The following LINGO2 variants were observed in gnomAD, a reference collection of about 807,000 sequenced individuals.
LINGO2 encodes the protein leucine-rich repeat and immunoglobulin-like domain-containing nogo receptor-interacting protein 2.
Under a neutral mutation model 30.6 loss-of-function variants are expected in LINGO2, and 14 were observed. The observed-to-expected ratio is 0.46, with a 90% confidence interval of 0.30 to 0.72. The LOEUF is 0.72. Among genes scored for constraint, LINGO2 ranks in the 30% least tolerant of loss-of-function variants. The pLI, the probability that LINGO2 is intolerant of heterozygous loss-of-function variation, is 0.07. For missense variants in LINGO2, 729 were observed against 751.7 expected (o/e 0.97, Z 0.35); for synonymous variants, 317 against 288.5 (o/e 1.10, Z -1.00).
the LINGO2 span, among the ~76,000 whole-genome samples, chr9:28,987,852 T>C: frequency 1.3e-5 from 2 of 152,212 alleles, no homozygotes; most frequent in East Asian, 1.9e-4. Context: ...CTCAAATTCA[T>C]CATGCTATTG....
At chr9:28,435,166 T>A (rs1823873444) in intron 2 of LINGO2, among the ~76,000 whole-genome samples, 1 of 152,118 alleles carries the variant, frequency 6.6e-6, no homozygotes, top group South Asian at 2.1e-4. Context: ...AATAATTAAA[T>A]AATATAGACC....
At chr9:29,177,355 A>G in the LINGO2 span, among the ~76,000 whole-genome samples, 1 of 152,236 alleles carries the variant, frequency 6.6e-6, no homozygotes, top group Non-Finnish European at 1.5e-5. Context: ...TGAAGTTTAG[A>G]GAAGTTAATG....
Position 28,090,520 on chromosome 9 carries a change from C to T in LINGO2, c.-86-78115G>A, listed in dbSNP as rs534690415. Among the ~76,000 whole-genome samples, 3 of 152,290 alleles carry T rather than the reference C, an allele frequency of 2.0e-5. No homozygotes were observed. In the South Asian group the frequency reaches 6.2e-4, roughly 32 times the overall value. On this transcript the variant is annotated intron_variant, in intron 4 of 5. Transcript: ENST00000379992. Reference sequence around the variant, plus strand: ...CCTTTGACAAAATTCAACAGCCCTTCATGCTAAAAACGCTCAATAAATTAC... The same window carrying T: ...CCTTTGACAAAATTCAACAGCCCTTTATGCTAAAAACGCTCAATAAATTAC...
intron 5 of LINGO2, among the ~76,000 whole-genome samples, chr9:27,963,722 T>G (rs1379694212): frequency 1.4e-5 from 2 of 143,424 alleles, no homozygotes; most frequent in African/African-American, 2.6e-5. Flanking sequence ...GGGTGAAGAG[T>G]GGGTTGAGGT....
the LINGO2 span, among the ~76,000 whole-genome samples, chr9:29,106,991 T>C: frequency 6.6e-6 from 1 of 152,202 alleles, no homozygotes; most frequent in East Asian, 1.9e-4. Flanking sequence ...AGTTATGAAC[T>C]AGCCAATGCT....
At chr9:29,040,597 A>G in the LINGO2 span, among the ~76,000 whole-genome samples, 1 of 151,920 alleles carries the variant, frequency 6.6e-6, no homozygotes, top group Non-Finnish European at 1.5e-5. Flanking sequence ...ATTATCATAT[A>G]ATTTCCAAAA....
chr9:28,075,605 TA>T (rs1160594904), intron 4 of LINGO2, among the ~76,000 whole-genome samples: 1 of 152,000 alleles, frequency 6.6e-6, no homozygotes, highest in African/African-American at 2.4e-5. Flanking sequence ...GTTGTATGTA[TA>T]AGACATTATC....
chr9:28,192,018 A>G (rs1819839910), intron 4 of LINGO2, among the ~76,000 whole-genome samples: 1 of 152,074 alleles, frequency 6.6e-6, no homozygotes, highest in Non-Finnish European at 1.5e-5. Context: ...TGAAAGCCCG[A>G]CTTGTATTTC....
At chr9:28,571,499 A>C (rs572501306) in intron 1 of LINGO2, among the ~76,000 whole-genome samples, 1 of 152,146 alleles carries the variant, frequency 6.6e-6, no homozygotes, top group Admixed American at 6.5e-5. Flanking sequence ...ATTCTCTCTA[A>C]TTCATAAAAC....
In LINGO2 at chr9:27,981,534, C is replaced by CAAAAAAAA. The variant is rs763284293; in HGVS notation, c.-36+30813_-36+30820dup. ...ATGAAAGGATAAATGACGAGGATGG[C>CAAAAAAAA]AAAAAAAAAAAAAAAAGAAAAAAAA... On this transcript the variant is annotated intron_variant, in intron 5 of 5. Coordinates refer to ENST00000379992, the Ensembl canonical transcript of LINGO2. Among the ~76,000 whole-genome samples the CAAAAAAAA allele has an allele frequency of 2.4e-3, 94 of 39,828 alleles. 1 individual carries two copies. Among genetic ancestry groups the CAAAAAAAA allele is most frequent in the Non-Finnish European group, 3.3e-3 (62 of 18,692 alleles). The allele number at this position is 39,828 out of a possible 152,430, so 26.1% of individuals were successfully genotyped here. A position where few individuals can be genotyped will look rare whatever the true frequency, so the allele number is the denominator to read the frequency against.
chr9:28,700,212 C>T, the LINGO2 span, among the ~76,000 whole-genome samples: 2 of 151,962 alleles, frequency 1.3e-5, no homozygotes, highest in South Asian at 2.1e-4. Flanking sequence ...CTTTATTTCT[C>T]AGCCAGCTGA....
At chr9:28,408,911 T>C (rs1234720423) in intron 2 of LINGO2, among the ~76,000 whole-genome samples, 2 of 152,086 alleles carry the variant, frequency 1.3e-5, no homozygotes, top group Non-Finnish European at 2.9e-5. Flanking sequence ...GGCCCCACAG[T>C]GGTTTATGAA....
At chr9:28,298,034 T>A (rs1474417179) in intron 3 of LINGO2, among the ~76,000 whole-genome samples, 1 of 152,178 alleles carries the variant, frequency 6.6e-6, no homozygotes, top group African/African-American at 2.4e-5. Context: ...TGAAGAGAAG[T>A]CTATGAGGGG....
At chr9:28,220,919 G>A (rs1257964397) in intron 4 of LINGO2, among the ~76,000 whole-genome samples, 4 of 152,114 alleles carry the variant, frequency 2.6e-5, no homozygotes, top group African/African-American at 7.2e-5. Context: ...AATCAAATAT[G>A]TAATTACAGT....
intron 2 of LINGO2, among the ~76,000 whole-genome samples, chr9:28,454,677 T>C (rs1303206042): frequency 6.6e-6 from 1 of 151,930 alleles, no homozygotes; most frequent in East Asian, 1.9e-4. Flanking sequence ...TGAAATAAGA[T>C]GAAAGTGTGG....
At chr9:28,704,727 T>C in the LINGO2 span, among the ~76,000 whole-genome samples, 1 of 152,120 alleles carries the variant, frequency 6.6e-6, no homozygotes, top group African/African-American at 2.4e-5. Flanking sequence ...GATACAGTGT[T>C]TTTGAGCTCT....
At chr9:29,029,217 C>A in the LINGO2 span, among the ~76,000 whole-genome samples, 1 of 152,180 alleles carries the variant, frequency 6.6e-6, no homozygotes, top group African/African-American at 2.4e-5. Context: ...GTTGTGGGCC[C>A]TGAAACTAGA....
chr9:28,189,652 G>A (rs1173800977), intron 4 of LINGO2, among the ~76,000 whole-genome samples: 37 of 75,848 alleles, frequency 4.9e-4, no homozygotes, highest in Non-Finnish European at 8.3e-4. Context: ...AGGGAGGGAG[G>A]AAGGAAGGAA....
chr9:27,984,849 G>T (rs1048741865), intron 5 of LINGO2, among the ~76,000 whole-genome samples: 1 of 151,788 alleles, frequency 6.6e-6, no homozygotes, highest in African/African-American at 2.4e-5. Flanking sequence ...TTTTATAAAT[G>T]AGGAAAATTT....
Sources: gnomAD v4.1 joint callset for allele counts (sites outside exome capture counted in the v4.1 genomes callset) on GRCh38, gnomAD v4.1.1 for gene constraint, MANE v1.5 for transcripts, NCBI Gene and HGNC (gene_info 2026-07-23, HGNC 2026-07-21) for gene names.